The following DIAPH3 variants were observed in gnomAD, a reference collection of about 807,000 sequenced individuals.
DIAPH3 encodes protein diaphanous homolog 3.
DIAPH3 carries 117 observed loss-of-function variants against 144.3 expected under a neutral mutation model. The ratio of observed to expected loss-of-function variants is 0.81; its 90% CI spans 0.70 to 0.95. The LOEUF is 0.95. DIAPH3 is among the 40% of genes least tolerant of loss of function. DIAPH3 has a pLI of 0.00. For synonymous variants in DIAPH3, 519 were observed against 488.9 expected, an observed-to-expected ratio of 1.06 and a Z score of -0.81; for missense variants, 1,421 against 1,412.7, an observed-to-expected ratio of 1.01 and a Z score of -0.09.
chr13:59,735,466 G>A (rs2036097077), intron 27 of DIAPH3, among the ~76,000 whole-genome samples: 1 of 152,162 alleles, frequency 6.6e-6, no homozygotes, highest in African/African-American at 2.4e-5. Flanking sequence ...GTTAGGTGGT[G>A]TGCTAAAATA....
At chr13:59,738,850 C>G (rs1214254126) in intron 27 of DIAPH3, among the ~76,000 whole-genome samples, 1 of 152,148 alleles carries the variant, frequency 6.6e-6, no homozygotes, top group African/African-American at 2.4e-5. Context: ...ACATATTTAC[C>G]TATATGCCTC....
chr13:60,002,350 T>C (rs1188547394), intron 9 of DIAPH3, among the ~76,000 whole-genome samples: 1 of 152,138 alleles, frequency 6.6e-6, no homozygotes, highest in Non-Finnish European at 1.5e-5. Context: ...ATTACAGTCA[T>C]TGCTGCCCAT....
chr13:59,948,262 TC>T (rs1186556291), intron 17 of DIAPH3, among the ~76,000 whole-genome samples: 8 of 152,194 alleles, frequency 5.3e-5, no homozygotes, highest in African/African-American at 1.7e-4. Flanking sequence ...CATTATTTCA[TC>T]CCAATTCCTT....
chr13:59,819,316 C>T (rs2040940661), intron 24 of DIAPH3, among the ~76,000 whole-genome samples: 1 of 151,886 alleles, frequency 6.6e-6, no homozygotes, highest in Admixed American at 6.6e-5. Flanking sequence ...CTCACCTGTG[C>T]TTATTGTTCA....
At chr13:60,037,632 A>C (rs929717681) in intron 5 of DIAPH3, among the ~76,000 whole-genome samples, 1 of 152,034 alleles carries the variant, frequency 6.6e-6, no homozygotes, top group African/African-American at 2.4e-5. Context: ...AAGAGGAAGG[A>C]TGAATATAGA....
intron 25 of DIAPH3, among the ~76,000 whole-genome samples, chr13:59,796,088 C>T (rs183515816): frequency 6.6e-6 from 1 of 152,282 alleles, no homozygotes; most frequent in East Asian, 1.9e-4. Context: ...TTATCTATGT[C>T]CCCTATTCCT....
At chr13:59,870,666 T>C (rs1281246574) in intron 21 of DIAPH3, among the ~76,000 whole-genome samples, 3 of 28,052 alleles carry the variant, frequency 1.1e-4, no homozygotes, top group Admixed American at 8.8e-4. Flanking sequence ...TTTGTAGGTG[T>C]TTTTTTTTTT....
intron 17 of DIAPH3, among the ~76,000 whole-genome samples, chr13:59,943,481 C>G (rs1594076301): frequency 1.3e-5 from 2 of 152,258 alleles, no homozygotes; most frequent in South Asian, 4.1e-4. Context: ...ATATGGAGCT[C>G]CTCTGAGGGC....
At chr13:60,061,336 C>A (rs1345610975) in intron 4 of DIAPH3, among the ~76,000 whole-genome samples, 1 of 151,912 alleles carries the variant, frequency 6.6e-6, no homozygotes, top group Non-Finnish European at 1.5e-5. Flanking sequence ...GAAAGGAGAC[C>A]TTAACCCATG....
intron 13 of DIAPH3, among the ~76,000 whole-genome samples, chr13:59,983,277 T>C (rs188588981): frequency 1.6e-3 from 237 of 151,152 alleles, no homozygotes; most frequent in Admixed American, 4.0e-3. Flanking sequence ...AAATATTTTC[T>C]TATTGAACTC....
intron 24 of DIAPH3, among the ~76,000 whole-genome samples, chr13:59,820,313 G>T (rs2040998780): frequency 6.6e-6 from 1 of 151,900 alleles, no homozygotes; most frequent in East Asian, 1.9e-4. Flanking sequence ...CACTTGGCAG[G>T]AAAGCTATAG....
At chr13:59,884,912 C>T (rs939205238) in intron 20 of DIAPH3, among the ~76,000 whole-genome samples, 34 of 151,774 alleles carry the variant, frequency 2.2e-4, no homozygotes, top group African/African-American at 7.3e-4. Context: ...GAAAACTATA[C>T]AAAAACAAAG....
chr13:59,985,695 C>A, intron 12 of DIAPH3, among the ~76,000 whole-genome samples: 1 of 70,692 alleles, frequency 1.4e-5, no homozygotes, highest in Non-Finnish European at 2.9e-5. Flanking sequence ...AAACAGAGAG[C>A]CAAATCATGA....
rs556831683 is a variant in DIAPH3 at position 59,818,484 on chromosome 13, AT to A, written c.3028-7562del. On this transcript the variant is annotated intron_variant, in intron 24 of 27. Coordinates refer to ENST00000400324, the MANE Select transcript of DIAPH3 (RefSeq NM_001042517.2). ...GTCATATCTTTTCTCTCTGGCTGCAATTTTTTTTTTGGCTTTAGTGTTCTGC... is the reference window on the plus strand; with the variant it reads ...GTCATATCTTTTCTCTCTGGCTGCAATTTTTTTTTGGCTTTAGTGTTCTGC... 1.5e-4 allele frequency among the ~76,000 whole-genome samples: 22 copies of A among 147,828 alleles called. No individual in the cohort carries two copies. In the East Asian group the frequency reaches 1.6e-3, roughly 11 times the overall value.
intron 25 of DIAPH3, among the ~76,000 whole-genome samples, chr13:59,802,742 C>T (rs1179177897): frequency 1.1e-4 from 13 of 117,408 alleles, no homozygotes; most frequent in Non-Finnish European, 1.8e-4. Context: ...ACTGCAGTGG[C>T]GCAATCTCGG....
intron 2 of DIAPH3, among the ~76,000 whole-genome samples, chr13:60,113,053 G>GTT (rs916309872): frequency 3.3e-5 from 5 of 151,512 alleles, no homozygotes; most frequent in African/African-American, 1.2e-4. Context: ...GATTCCATGA[G>GTT]TTTTTTTTTA....
intron 22 of DIAPH3, among the ~76,000 whole-genome samples, chr13:59,851,351 C>T (rs76767072): frequency 1.1e-4 from 17 of 152,236 alleles, no homozygotes; most frequent in Middle Eastern, 3.4e-3. Context: ...TCTCAAATAC[C>T]AACATAAATG....
intron 17 of DIAPH3, among the ~76,000 whole-genome samples, chr13:59,929,361 T>C (rs572370438): frequency 1.3e-5 from 2 of 152,228 alleles, no homozygotes; most frequent in Non-Finnish European, 1.5e-5. Flanking sequence ...TCTCAACTGA[T>C]TTTAAGTTAC....
intron 20 of DIAPH3, among the ~76,000 whole-genome samples, chr13:59,895,610 C>A (rs1381114743): frequency 6.6e-6 from 1 of 152,052 alleles, no homozygotes; most frequent in African/African-American, 2.4e-5. Flanking sequence ...ACATATGGGG[C>A]CAAAACACTA....
Sources: allele counts gnomAD v4.1 joint callset (sites outside exome capture counted in the v4.1 genomes callset), GRCh38; gene constraint gnomAD v4.1.1; transcripts MANE v1.5; gene names NCBI Gene and HGNC (gene_info 2026-07-23, HGNC 2026-07-21).